Variants in ZFP62 observed in about 807,000 individuals in gnomAD.
ZFP62 encodes the protein zinc finger protein 62 homolog.
ZFP62 carries 44 observed loss-of-function variants against 56.4 expected under a neutral mutation model. That is an observed-to-expected ratio of 0.78 (90% CI 0.61 to 1.00). ZFP62 has a LOEUF of 1.00. Among genes scored for constraint, ZFP62 ranks in the 50% least tolerant of loss-of-function variants. ZFP62 has a pLI of 0.00. For synonymous variants in ZFP62, 421 were observed against 388.9 expected (o/e 1.08, Z -0.97); for missense variants, 1,030 against 1,085.7 (o/e 0.95, Z 0.72).
chr5:180,841,968 C>T, the ZFP62 span, among the ~76,000 whole-genome samples: 1 of 152,192 alleles, frequency 6.6e-6, no homozygotes, highest in African/African-American at 2.4e-5. Flanking sequence ...ATTGCTTGAA[C>T]CTGGAAGGCA....
At chr5:180,856,764 C>T (rs922739990) in intron 1 of ZFP62, among the ~76,000 whole-genome samples, 24 of 150,716 alleles carry the variant, frequency 1.6e-4, no homozygotes, top group African/African-American at 5.9e-4. Context: ...ACCATCCTGG[C>T]TAACACCGTG....
chr5:180,849,772 T>C lies in ZFP62; in HGVS notation c.1723A>G (p.Ser575Gly). The C allele has an allele frequency of 6.4e-7, 1 of 1,551,856 alleles. No homozygotes were observed. Among genetic ancestry groups the C allele is most frequent in the Non-Finnish European group, 8.7e-7 (1 of 1,147,122 alleles). Residue 575 changes from serine (S) to glycine (G), a missense_variant, in exon 2 of 2, where the codon AGC (serine) becomes GGC (glycine). Physicochemically the swap from Ser to Gly is moderately conservative, Grantham distance 56. Coordinates refer to ENST00000502412, the MANE Select transcript of ZFP62 (RefSeq NM_001172638.2). ...ECGKAYISLS[S>G]LINHKSVHPG... ...TGTACACTTTTATGATTTATAAGGC[T>C]CGAGAGAGAGATGTATGCTTTCCCA...
the ZFP62 span, chr5:180,834,619 T>G: frequency 6.6e-6 from 1 of 151,850 alleles, no homozygotes; most frequent in Non-Finnish European, 1.5e-5. Context: ...AAGAAAGAAA[T>G]GTGTGTTGTT....
downstream of ZFP62, chr5:180,845,969 GT>G: frequency 1.8e-6 from 1 of 559,346 alleles, no homozygotes; most frequent in Non-Finnish European, 2.3e-6. Context: ...CATACTCACT[GT>G]TTTTTCAGGC....
Position 180,851,064 on chromosome 5 carries a change from T to C in ZFP62, c.431A>G (p.Asp144Gly). Residue 144 changes from aspartate to glycine, a missense_variant, in exon 2 of 2, where the codon GAT (aspartate) becomes GGT (glycine). Asp to Gly is a moderately conservative substitution (Grantham distance 94). Transcript: ENST00000502412. ...ATATTTGAAGGATTTCCCACATTCA[T>C]CACATTTATGTAATTTCTTAACAGC... ...TNAVKKLHKCDECGKSFKYNS... is the reference protein window; with the variant it reads ...TNAVKKLHKCGECGKSFKYNS... 1 of 1,551,754 alleles carries C rather than the reference T, an allele frequency of 6.4e-7. No homozygotes were observed. Among genetic ancestry groups the C allele is most frequent in the Non-Finnish European group, 8.7e-7 (1 of 1,146,996 alleles).
Position 180,850,001 on chromosome 5 carries a change from G to T in ZFP62, c.1494C>A (p.Ile498=). 1 of 1,551,638 alleles carries T rather than the reference G, an allele frequency of 6.4e-7. No individual in the cohort carries two copies. Among genetic ancestry groups the T allele is most frequent in the Non-Finnish European group, 8.7e-7 (1 of 1,146,986 alleles). Residue 498 remains isoleucine (I), a synonymous_variant, in exon 2 of 2, where the codon ATC becomes ATA. Coordinates refer to ENST00000502412, the MANE Select transcript of ZFP62 (RefSeq NM_001172638.2). ...ATTTATAGGGCTTCTCCCCAAGGTG[G>T]ATTCCTTTGTGATTTTTAAGGCTAG... is the stretch of plus-strand genomic sequence containing the variant. The part of the protein sequence containing the change: ...SRSSLKNHKG[I]HLGEKPYKCS...
At chr5:180,832,161 C>CT in the ZFP62 span, among the ~76,000 whole-genome samples, 1 of 152,136 alleles carries the variant, frequency 6.6e-6, no homozygotes, top group Non-Finnish European at 1.5e-5. Flanking sequence ...CTTCTAATTT[C>CT]TTTTTTTCTT....
the ZFP62 span, among the ~76,000 whole-genome samples, chr5:180,840,687 T>C: frequency 5.3e-5 from 8 of 151,424 alleles, no homozygotes; most frequent in Non-Finnish European, 1.2e-4. Flanking sequence ...ACCCTGGAGG[T>C]GGAGGTTGCA....
the ZFP62 span, among the ~76,000 whole-genome samples, chr5:180,841,219 A>G: frequency 1.3e-5 from 2 of 152,186 alleles, no homozygotes; most frequent in East Asian, 1.9e-4. Flanking sequence ...AACAAAATGG[A>G]AAGCATGGCA....
downstream of ZFP62, among the ~76,000 whole-genome samples, chr5:180,846,235 T>C (rs774266525): frequency 3.3e-5 from 5 of 152,154 alleles, no homozygotes; most frequent in Non-Finnish European, 7.4e-5. Flanking sequence ...TGCGAGTAGA[T>C]GGGGGCCGCA....
At chr5:180,828,295 G>C in the ZFP62 span, among the ~76,000 whole-genome samples, 5 of 152,138 alleles carry the variant, frequency 3.3e-5, no homozygotes, top group East Asian at 9.6e-4. Context: ...AGGGACACAG[G>C]GTGTTTTGGA....
chr5:180,839,433 TA>T, the ZFP62 span, among the ~76,000 whole-genome samples: 1 of 152,138 alleles, frequency 6.6e-6, no homozygotes, highest in Non-Finnish European at 1.5e-5. Flanking sequence ...TATGCAGCCA[TA>T]AAAAAGGAGA....
rs1325994782 is a variant in ZFP62 at position 180,849,466 on chromosome 5, C to T, written c.2029G>A (p.Val677Met). The T allele has an allele frequency of 2.6e-6, 4 of 1,552,020 alleles. No individual in the cohort carries two copies. Among genetic ancestry groups the T allele is most frequent in the Non-Finnish European group, 1.7e-6 (2 of 1,147,152 alleles). ...HTGERPYECDVCGKAYISHSS... is the reference protein window; with the variant it reads ...HTGERPYECDMCGKAYISHSS... ...TGTGAGATGTAGGCTTTTCCACACA[C>T]ATCACATTCATAGGGCCTCTCCCCA... The change falls in exon 2 of 2, where the codon GTG (valine) becomes ATG (methionine). Residue 677 changes from valine (V) to methionine (M), a missense_variant. Transcript: ENST00000502412.
At position 180,851,376 on chromosome 5, in the gene ZFP62, C is replaced by A; in HGVS notation, c.119G>T (p.Gly40Val). 6.4e-7 allele frequency: 1 copy of A among 1,551,678 alleles called. No individual in the cohort carries two copies. The highest frequency in any genetic ancestry group is 1.4e-5 in the African/African-American group (1 of 73,158). Reference sequence around the variant, plus strand: ...CTTGCTATCCCAAACACATGTGTCACCAACCTTAGATTCAGGCATAGGATC... The same window carrying A: ...CTTGCTATCCCAAACACATGTGTCAACAACCTTAGATTCAGGCATAGGATC... ...VEDPMPESKV[G>V]DTCVWDSKVE... The change falls in exon 2 of 2, where the codon GGT becomes GTT. Residue 40 changes from glycine (G) to valine (V), a missense_variant. By Grantham distance (109) the Gly-to-Val change is moderately radical. Transcript: ENST00000502412.
At position 180,849,984 on chromosome 5, in the gene ZFP62, G is replaced by A. The variant is rs1320102171; in HGVS notation, c.1511C>T (p.Pro504Leu). The A allele has an allele frequency of 9.0e-6, 14 of 1,551,680 alleles. No individual in the cohort carries two copies. Among genetic ancestry groups the A allele is most frequent in the Non-Finnish European group, 1.2e-5 (14 of 1,147,006 alleles). Reference sequence around the variant, plus strand: ...TTTCTCACAATAGCTACATTTATAGGGCTTCTCCCCAAGGTGGATTCCTTT... The same window carrying A: ...TTTCTCACAATAGCTACATTTATAGAGCTTCTCCCCAAGGTGGATTCCTTT... The part of the protein sequence containing the change: ...NHKGIHLGEK[P>L]YKCSYCEKSF... Residue 504 changes from proline to leucine, a missense_variant, in exon 2 of 2, where the codon CCC becomes CTC. By Grantham distance (98) the Pro-to-Leu change is moderately conservative (BLOSUM62 -3). Transcript: ENST00000502412.
chr5:180,830,301 A>G, the ZFP62 span: 1 of 152,278 alleles, frequency 6.6e-6, no homozygotes, highest in Non-Finnish European at 1.5e-5. Context: ...CCTGAAGCCA[A>G]CTTCTGGCCA....
intron 1 of ZFP62, among the ~76,000 whole-genome samples, chr5:180,857,588 C>T (rs1774058642): frequency 6.6e-6 from 1 of 152,190 alleles, no homozygotes; most frequent in Non-Finnish European, 1.5e-5. Flanking sequence ...GCCTCCACCA[C>T]CCAGGTTCAA....
chr5:180,857,601 G>A (rs763425868), intron 1 of ZFP62, among the ~76,000 whole-genome samples: 30 of 152,196 alleles, frequency 2.0e-4, no homozygotes, highest in Non-Finnish European at 2.8e-4. Flanking sequence ...AGGTTCAAGC[G>A]ATTCTCCTGC....
rs964984660 is a variant in ZFP62, at chr5:180,851,385, G to C, written c.110C>G (p.Ser37Cys). 2.2e-4 allele frequency: 346 copies of C among 1,551,582 alleles called. 1 individual carries two copies. The highest frequency in any genetic ancestry group is 6.7e-4 in the Middle Eastern group (4 of 5,990). ...CCAAACACATGTGTCACCAACCTTA[G>C]ATTCAGGCATAGGATCCTCCACTTT... ...WPKVEDPMPE[S>C]KVGDTCVWDS... Residue 37 changes from serine to cysteine, a missense_variant, in exon 2 of 2, where the codon TCT becomes TGT. Physicochemically the swap from Ser to Cys is moderately radical, Grantham distance 112. Transcript: ENST00000502412.
Sources: allele counts gnomAD v4.1 joint callset (sites outside exome capture counted in the v4.1 genomes callset), GRCh38; gene constraint gnomAD v4.1.1; transcripts MANE v1.5; gene names NCBI Gene and HGNC (gene_info 2026-07-23, HGNC 2026-07-21).